Variants in CACNB3 observed in about 807,000 individuals in gnomAD.
CACNB3 encodes calcium voltage-gated channel auxiliary subunit beta 3, also known as voltage-dependent L-type calcium channel subunit beta-3.
Under a neutral mutation model 63.7 loss-of-function variants are expected in CACNB3, and 36 were observed. The ratio of observed to expected loss-of-function variants is 0.57; its 90% CI spans 0.43 to 0.75. CACNB3 has a LOEUF of 0.75. Ranked by LOEUF, CACNB3 falls within the 30% of genes least tolerant of loss-of-function variation. The pLI is 0.00. For synonymous variants in CACNB3, 241 were observed against 250.6 expected, an observed-to-expected ratio of 0.96 and a Z score of 0.36; for missense variants, 493 against 648.6, an observed-to-expected ratio of 0.76 and a Z score of 2.61.
In CACNB3 at chr12:48,826,368, G is replaced by A. The variant is rs778175847; in HGVS notation, c.744G>A (p.Ala248=). 1.3e-5 allele frequency: 21 copies of A among 1,613,966 alleles called. No homozygotes were observed. Among genetic ancestry groups the A allele is most frequent in the East Asian group, 1.1e-4 (5 of 44,886 alleles). ...CACTGCTGCTGCCTCCCTCCATAGC[G>A]GAAGTGCAGAGTGAGATCGAGCGCA... ...IERSSARSSI[A]EVQSEIERIF... Residue 248 remains alanine (A), a splice_region_variant and synonymous_variant, in exon 10 of 13, where the codon GCG becomes GCA. Transcript: ENST00000301050. The surrounding 1 kb of genome is among the most constrained non-coding windows in gnomAD (Gnocchi z 4.8).
At position 48,826,754 on chromosome 12, in the gene CACNB3, C is replaced by T. The variant is rs772836446; in HGVS notation, c.895-5C>T. 3 of 1,612,574 alleles carry T rather than the reference C, an allele frequency of 1.9e-6. No individual in the cohort carries two copies. The highest frequency in any genetic ancestry group is 1.6e-4 in the Middle Eastern group (1 of 6,082). On this transcript the variant is annotated splice_polypyrimidine_tract_variant and splice_region_variant and intron_variant, in intron 10 of 12. Transcript: ENST00000301050. The surrounding 1 kb of genome is among the most constrained non-coding windows in gnomAD (Gnocchi z 4.8). ...TCCAGGCCTAGCTCTGCCCTCCCCG[C>T]TCAGGTACTCCAGCGTCTCATTCGC... is the stretch of plus-strand genomic sequence containing the variant.
chr12:48,826,099 G>A lies in CACNB3; in HGVS notation c.743-268G>A, dbSNP rs548332277. 24 of 558,136 alleles carry A rather than the reference G, an allele frequency of 4.3e-5. No individual in the cohort carries two copies. Among genetic ancestry groups the A allele is most frequent in the African/African-American group, 3.4e-4 (18 of 53,186 alleles). The allele number at this position is 558,136 out of a possible 1,614,324, so 34.6% of individuals were successfully genotyped here. ...CCACCTTGGCCTCTCAAAATGCTGG[G>A]ATTACAGGCATGAGCCACCATGCCT... On this transcript the variant is annotated intron_variant, in intron 9 of 12. Transcript: ENST00000301050. The surrounding 1 kb of genome is among the most constrained non-coding windows in gnomAD (Gnocchi z 4.8).
At position 48,827,593 on chromosome 12, in the gene CACNB3, G is replaced by A. The variant is rs368467039; in HGVS notation, c.1149G>A (p.Gln383=). 3 of 1,612,364 alleles carry A rather than the reference G, an allele frequency of 1.9e-6. No homozygotes were observed. Among genetic ancestry groups the A allele is most frequent in the African/African-American group, 1.3e-5 (1 of 75,042 alleles). ...TGTTGTATGGCCCCCAGAACCAGCA[G>A]CTGCTGGGGGAGCGTGGCGAGGAGC... The part of the protein sequence containing the change: ...PSAIPGLQNQ[Q]LLGERGEEHS... The change falls in exon 13 of 13, where the codon CAG becomes CAA. Residue 383 remains glutamine, a synonymous_variant. Coordinates refer to ENST00000301050, the MANE Select transcript of CACNB3 (RefSeq NM_000725.4).
In CACNB3 at chr12:48,827,134, C is replaced by T; in HGVS notation, c.1140+11C>T. 2 of 1,611,632 alleles carry T rather than the reference C, an allele frequency of 1.2e-6. No homozygotes were observed. The highest frequency in any genetic ancestry group is 1.3e-5 in the African/African-American group (1 of 74,974). ...ATCCCCGGACTTCAGGTAACCATTT[C>T]CAGTGGGCAGAGATGCTCAAGCTAA... On this transcript the variant is annotated intron_variant, in intron 12 of 12. Transcript: ENST00000301050.
chr12:48,816,969 G>A (rs1942301558), upstream of CACNB3: 1 of 985,338 alleles, frequency 1.0e-6, no homozygotes, highest in Admixed American at 6.1e-5. Context: ...ATGAAAGAGG[G>A]GGATACAAGG....
In CACNB3 at chr12:48,818,582, G is replaced by A; in HGVS notation, c.-348G>A. 3 of 1,083,310 alleles carry A rather than the reference G, an allele frequency of 2.8e-6. No individual in the cohort carries two copies. Among genetic ancestry groups the A allele is most frequent in the Non-Finnish European group, 3.4e-6 (3 of 893,614 alleles). The allele number at this position is 1,083,310 out of a possible 1,614,324, so 67.1% of individuals were successfully genotyped here. On this transcript the variant is annotated 5_prime_UTR_variant, in exon 1 of 13. Transcript: ENST00000301050. This position sits in a 1 kb window ranked among gnomAD's most constrained non-coding sequence, Gnocchi z 4.3. The stretch of plus-strand genomic sequence containing the variant: ...GGGTTCGTTCCCCTCTCCCGGCCTG[G>A]CCCGGGCTCCCCGGTGGCCGCCGCC...
At position 48,824,949 on chromosome 12, in the gene CACNB3, C is replaced by G; in HGVS notation, c.473C>G (p.Ala158Gly). The change falls in exon 6 of 13, where the codon GCC becomes GGC. Residue 158 changes from alanine to glycine, a missense_variant and splice_region_variant. Ala to Gly is a moderately conservative substitution (Grantham distance 60, BLOSUM62 0). Transcript: ENST00000301050. ...ATCTTGTATTTCCTTTTCCAAAAAG[C>G]CAAGCAGAAGCAAAAGCAGGTGAGT... ...GNRRSPPPSL[A>G]KQKQKQAEHV... 1 of 1,613,376 alleles carries G rather than the reference C, an allele frequency of 6.2e-7. No individual in the cohort carries two copies. The highest frequency in any genetic ancestry group is 8.5e-7 in the Non-Finnish European group (1 of 1,179,900).
At chr12:48,822,490 G>T (rs979480640) in intron 1 of CACNB3, among the ~76,000 whole-genome samples, 4 of 152,156 alleles carry the variant, frequency 2.6e-5, no homozygotes, top group African/African-American at 4.8e-5. Flanking sequence ...CCGTAGCTAG[G>T]TTGCCTGGCA....
chr12:48,825,584 A>T lies in CACNB3; in HGVS notation c.633-76A>T, dbSNP rs1316978962. 22 of 1,572,592 alleles carry T rather than the reference A, an allele frequency of 1.4e-5. No homozygotes were observed. In the East Asian group the frequency reaches 4.9e-4, roughly 35 times the overall value. On this transcript the variant is annotated intron_variant, in intron 8 of 12. Transcript: ENST00000301050. This position sits in a 1 kb window ranked among gnomAD's most constrained non-coding sequence, Gnocchi z 4.5. ...TGTAGCTAGTCTTCTCTAAGGGAAG[A>T]GTTAGTGGGAGCTGAGTAAGGAGAG...
Position 48,825,746 on chromosome 12 carries a change from G to A in CACNB3, c.719G>A (p.Arg240His), listed in dbSNP as rs571120405. ...CCGGGCAAGAGGACCATCATTGAGCGCTCCTCTGCCCGCTCCAGCATTGGT... is the reference window on the plus strand; with the variant it reads ...CCGGGCAAGAGGACCATCATTGAGCACTCCTCTGCCCGCTCCAGCATTGGT... ...NNPGKRTIIE[R>H]SSARSSIAEV... The change falls in exon 9 of 13, where the codon CGC becomes CAC. Residue 240 changes from arginine to histidine, a missense_variant. Coordinates refer to ENST00000301050, the MANE Select transcript of CACNB3 (RefSeq NM_000725.4). The surrounding 1 kb of genome is among the most constrained non-coding windows in gnomAD (Gnocchi z 4.5). 25 of 1,613,908 alleles carry A rather than the reference G, an allele frequency of 1.5e-5. No homozygotes were observed. Among genetic ancestry groups the A allele is most frequent in the East Asian group, 6.7e-5 (3 of 44,884 alleles).
chr12:48,823,932 C>T lies in CACNB3; in HGVS notation c.291+129C>T, dbSNP rs1205692462. The T allele has an allele frequency of 1.8e-6, 2 of 1,136,302 alleles. No homozygotes were observed. Among genetic ancestry groups the T allele is most frequent in the Non-Finnish European group, 2.5e-6 (2 of 796,084 alleles). The allele number at this position is 1,136,302 out of a possible 1,614,324, so 70.4% of individuals were successfully genotyped here. ...AATCAGCTCTTCTCCTTAACACACA[C>T]CTGTCCACCCCTCATATCTAAGATC... On this transcript the variant is annotated intron_variant, in intron 3 of 12. Coordinates refer to ENST00000301050, the MANE Select transcript of CACNB3 (RefSeq NM_000725.4). The surrounding 1 kb of genome is among the most constrained non-coding windows in gnomAD (Gnocchi z 4.2).
chr12:48,824,597 A>T, intron 4 of CACNB3, 72 bp from the exon 5 acceptor site: 1 of 1,379,922 alleles, frequency 7.2e-7, no homozygotes, highest in Non-Finnish European at 1.0e-6. Context: ...ACAATTATTA[A>T]ATAATGCATA....
At chr12:48,819,937 T>C (rs1937762499) in intron 1 of CACNB3, 1 of 303,894 alleles carries the variant, frequency 3.3e-6, no homozygotes, top group African/African-American at 2.2e-5. Context: ...TTCCCTCAAA[T>C]GTCCTGTAAG....
In CACNB3 at chr12:48,826,366, G is replaced by A; in HGVS notation, c.743-1G>A. 1 of 1,614,146 alleles carries A rather than the reference G, an allele frequency of 6.2e-7. No individual in the cohort carries two copies. Reference sequence around the variant, plus strand: ...AGCACTGCTGCTGCCTCCCTCCATAGCGGAAGTGCAGAGTGAGATCGAGCG... The same window carrying A: ...AGCACTGCTGCTGCCTCCCTCCATAACGGAAGTGCAGAGTGAGATCGAGCG... On this transcript the variant is annotated splice_acceptor_variant, in intron 9 of 12. Transcript: ENST00000301050. LOFTEE classifies it high-confidence loss of function. This position sits in a 1 kb window ranked among gnomAD's most constrained non-coding sequence, Gnocchi z 4.8.
At chr12:48,815,730 T>C, upstream of CACNB3, 2 of 825,266 alleles carry the variant, frequency 2.4e-6, no homozygotes, top group Non-Finnish European at 3.5e-6. Flanking sequence ...CTGAACGAGG[T>C]AACCGTGGGG....
chr12:48,825,433 G>A lies in CACNB3; in HGVS notation c.574-1G>A, dbSNP rs1166800719. The A allele has an allele frequency of 1.2e-6, 2 of 1,614,154 alleles. No homozygotes were observed. Among genetic ancestry groups the A allele is most frequent in the Non-Finnish European group, 8.5e-7 (1 of 1,180,014 alleles). ...TTCATCAGTGCCATGCCTTCCCCCA[G>A]GTCACAGACATGATGCAGAAGGCTC... On this transcript the variant is annotated splice_acceptor_variant, in intron 7 of 12. Coordinates refer to ENST00000301050, the MANE Select transcript of CACNB3 (RefSeq NM_000725.4). LOFTEE classifies it high-confidence loss of function. The surrounding 1 kb of genome is among the most constrained non-coding windows in gnomAD (Gnocchi z 4.5).
Position 48,825,747 on chromosome 12 carries a change from C to T in CACNB3, c.720C>T (p.Arg240=), listed in dbSNP as rs1385236944. ...CGGGCAAGAGGACCATCATTGAGCG[C>T]TCCTCTGCCCGCTCCAGCATTGGTG... is the stretch of plus-strand genomic sequence containing the variant. ...NNPGKRTIIE[R]SSARSSIAEV... The change falls in exon 9 of 13, where the codon CGC becomes CGT. Residue 240 remains arginine (R), a synonymous_variant. Coordinates refer to ENST00000301050, the MANE Select transcript of CACNB3 (RefSeq NM_000725.4). This position sits in a 1 kb window ranked among gnomAD's most constrained non-coding sequence, Gnocchi z 4.5. 5 of 1,613,854 alleles carry T rather than the reference C, an allele frequency of 3.1e-6. No homozygotes were observed. The Admixed American group carries it at 5.0e-5, about 16-fold the overall frequency.
At position 48,823,248 on chromosome 12, in the gene CACNB3, T is replaced by A; in HGVS notation, c.46-96T>A. On this transcript the variant is annotated intron_variant, in intron 1 of 12. Transcript: ENST00000301050. The surrounding 1 kb of genome is among the most constrained non-coding windows in gnomAD (Gnocchi z 4.2). ...GCTATCCCCTTGGAGATGGAGAAAC[T>A]GGGGGCAATAGAGGCAACACTGTAA... 6.8e-7 allele frequency: 1 copy of A among 1,472,528 alleles called. No homozygotes were observed. Among genetic ancestry groups the A allele is most frequent in the Non-Finnish European group, 9.2e-7 (1 of 1,085,846 alleles). The allele number at this position is 1,472,528 out of a possible 1,614,324, so 91.2% of individuals were successfully genotyped here.
Position 48,826,954 on chromosome 12 carries a change from G to A in CACNB3, c.991-20G>A, listed in dbSNP as rs376531386. The A allele has an allele frequency of 1.2e-4, 199 of 1,613,482 alleles. No individual in the cohort carries two copies. Among genetic ancestry groups the A allele is most frequent in the Middle Eastern group, 3.3e-4 (2 of 6,080 alleles). On this transcript the variant is annotated intron_variant, in intron 11 of 12. Coordinates refer to ENST00000301050, the MANE Select transcript of CACNB3 (RefSeq NM_000725.4). The surrounding 1 kb of genome is among the most constrained non-coding windows in gnomAD (Gnocchi z 4.8). Reference sequence around the variant, plus strand: ...GCTACTGAGGGGAAACCAACGTTGCGCCTTCCTCCCCCTCCCCAGGAGTCA... The same window carrying A: ...GCTACTGAGGGGAAACCAACGTTGCACCTTCCTCCCCCTCCCCAGGAGTCA...
Sources: gnomAD v4.1 joint callset for allele counts (sites outside exome capture counted in the v4.1 genomes callset) on GRCh38, gnomAD v4.1.1 for gene constraint, Gnocchi (gnomAD v3.1) non-coding constraint, MANE v1.5 for transcripts, NCBI Gene and HGNC (gene_info 2026-07-23, HGNC 2026-07-21) for gene names.